The following HCFC1 variants were observed in gnomAD, a reference collection of about 807,000 sequenced individuals.
HCFC1 encodes host cell factor C1, also known as host cell factor 1.
In HCFC1, 7 loss-of-function variants were observed where a neutral mutation model predicts 105.5. The ratio of observed to expected loss-of-function variants is 0.07; its 90% CI spans 0.04 to 0.12. The LOEUF is 0.12. HCFC1 is among the 10% of genes least tolerant of loss of function. HCFC1 has a pLI of 1.00. For missense variants in HCFC1, 1,065 were observed against 1,823.6 expected (o/e 0.58, Z 7.58); for synonymous variants, 918 against 828.1 (o/e 1.11, Z -1.86).
chrX:153,954,986 G>C lies in HCFC1; in HGVS notation c.3413C>G (p.Ala1138Gly). The C allele has an allele frequency of 8.3e-7, 1 of 1,205,124 alleles. No individual in the cohort carries two copies. The highest frequency in any genetic ancestry group is 1.1e-6 in the Non-Finnish European group (1 of 892,892). ...CACGGCAGGGGTGCCAGCTGCACAG[G>C]CCCGACGGGCATCTCGCTGGTGGTT... is the stretch of plus-strand genomic sequence containing the variant. Reference protein sequence around the residue: ...GANHQRDARRACAAGTPAVIR... With the variant: ...GANHQRDARRGCAAGTPAVIR... The change falls in exon 17 of 26, where the codon GCC (alanine) becomes GGC (glycine). Residue 1138 changes from alanine (A) to glycine (G), a missense_variant. Coordinates refer to ENST00000310441, the MANE Select transcript of HCFC1 (RefSeq NM_005334.3).
At chrX:153,970,561 G>A in intron 1 of HCFC1, 87 bp downstream of exon 1, 1 of 614,228 alleles carries the variant, frequency 1.6e-6, no homozygotes, top group Non-Finnish European at 2.6e-6. Flanking sequence ...GAGGGAGGGA[G>A]CAGATGGAGG....
At chrX:153,968,377 G>T (rs1378794820) in intron 1 of HCFC1, among the ~76,000 whole-genome samples, 1 of 112,343 alleles carries the variant, frequency 8.9e-6, no homozygotes, top group Non-Finnish European at 1.9e-5. Context: ...GGGCACAGGC[G>T]TGAGAATATG....
intron 10 of HCFC1, 111 bp downstream of exon 10, chrX:153,958,458 C>G (rs1557115778): frequency 1.1e-4 from 82 of 780,541 alleles, no homozygotes; most frequent in Non-Finnish European, 2.6e-5. Flanking sequence ...CCATGACGCC[C>G]CTAATGGAGA....
In HCFC1 at chrX:153,951,645, G is replaced by C. The variant is rs1330621858; in HGVS notation, c.5323C>G (p.Leu1775Val). The C allele has an allele frequency of 1.7e-6, 2 of 1,209,818 alleles. No individual in the cohort carries two copies. The highest frequency in any genetic ancestry group is 3.5e-5 in the African/African-American group (2 of 57,456). The change falls in exon 21 of 26, where the codon CTG (leucine) becomes GTG (valine). Residue 1775 changes from leucine to valine, a missense_variant. Physicochemically the swap from Leu to Val is conservative, Grantham distance 32. This residue lies in a region of HCFC1 where 115 missense variants were observed against 143.7 expected (regional missense o/e 0.80). Coordinates refer to ENST00000310441, the MANE Select transcript of HCFC1 (RefSeq NM_005334.3). ...QPVVVASPAK[L>V]QAAATLTEVA... ...TCGGTCAGGGTAGCTGCAGCCTGCA[G>C]CTTGGCTGGGCTGGCCACCACAACC... is the stretch of plus-strand genomic sequence containing the variant.
At chrX:153,949,832 C>T (rs782789029) in intron 24 of HCFC1, among the ~76,000 whole-genome samples, 1 of 112,068 alleles carries the variant, frequency 8.9e-6, no homozygotes, top group South Asian at 3.7e-4. Flanking sequence ...AGGTTAGAAA[C>T]CCACTCAGCT....
intron 1 of HCFC1, chrX:153,969,233 C>A (rs1050694718): frequency 1.8e-5 from 2 of 111,321 alleles, no homozygotes; most frequent in Non-Finnish European, 1.9e-5. Context: ...AGCATCGAGG[C>A]ACTGGAGCTC....
Position 153,949,258 on chromosome X carries a change from G to A in HCFC1, c.*89C>T, listed in dbSNP as rs2065286265. ...CGGCTCGCGAGGGTGAAGTGCGAAT[G>A]CTGGGACGGGGTGGGAGGGGTGGGC... is the stretch of plus-strand genomic sequence containing the variant. On this transcript the variant is annotated 3_prime_UTR_variant, in exon 26 of 26. Coordinates refer to ENST00000310441, the MANE Select transcript of HCFC1 (RefSeq NM_005334.3). 1 of 698,798 alleles carries A rather than the reference G, an allele frequency of 1.4e-6. No homozygotes were observed. Among genetic ancestry groups the A allele is most frequent in the Non-Finnish European group, 2.2e-6 (1 of 450,198 alleles). 57.6% of individuals were successfully genotyped at this position (698,798 alleles called of 1,213,427 possible). A position where few individuals can be genotyped will look rare whatever the true frequency, so the allele number is the denominator to read the frequency against.
At chrX:153,951,767 C>A in intron 20 of HCFC1, 60 bp from the exon 21 acceptor site, 1 of 1,173,135 alleles carries the variant, frequency 8.5e-7, no homozygotes, top group Non-Finnish European at 1.1e-6. Flanking sequence ...CAAGTGAGAC[C>A]GAGCCTCCCG....
chrX:153,958,328 A>AT (rs1250388361), intron 10 of HCFC1, 79 bp from the exon 11 acceptor site: 2 of 822,456 alleles, frequency 2.4e-6, no homozygotes, highest in African/African-American at 4.0e-5. Context: ...CGGTGGGCCC[A>AT]TAGCTCCTGC....
intron 1 of HCFC1, among the ~76,000 whole-genome samples, chrX:153,966,549 C>T (rs1191709630): frequency 8.9e-6 from 1 of 112,814 alleles, no homozygotes; most frequent in Admixed American, 9.3e-5. Context: ...GCCTTGCGCA[C>T]TGGAGAGCCG....
At position 153,952,051 on chromosome X, in the gene HCFC1, T is replaced by C; in HGVS notation, c.5050A>G (p.Ile1684Val). The stretch of plus-strand genomic sequence containing the variant: ...GCCAGCTCCTGCTGTGTCAGCACAA[T>C]GGGTATGGTGGTGGCCTGGCCCTCC... ...GQEGQATTIP[I>V]VLTQQELAAL... Residue 1684 changes from isoleucine to valine, a missense_variant, in exon 20 of 26, where the codon ATT (isoleucine) becomes GTT (valine). Physicochemically the swap from Ile to Val is conservative, Grantham distance 29 (BLOSUM62 3). Around this residue, in one of 17 missense-constraint regions of HCFC1, gnomAD observed 115 missense variants for 143.7 expected, o/e 0.80. Coordinates refer to ENST00000310441, the MANE Select transcript of HCFC1 (RefSeq NM_005334.3). 2 of 1,187,908 alleles carry C rather than the reference T, an allele frequency of 1.7e-6. No individual in the cohort carries two copies. The highest frequency in any genetic ancestry group is 2.3e-6 in the Non-Finnish European group (2 of 884,229).
rs1248063879 is a variant in HCFC1, at chrX:153,958,495, A to G, written c.1803+74T>C. The G allele has an allele frequency of 5.0e-6, 5 of 991,319 alleles. No homozygotes were observed. The African/African-American group carries it at 7.7e-5, about 15-fold the overall frequency. 81.7% of individuals were successfully genotyped at this position (991,319 alleles called of 1,213,427 possible). A position where few individuals can be genotyped will look rare whatever the true frequency, so the allele number is the denominator to read the frequency against. On this transcript the variant is annotated intron_variant, in intron 10 of 25. Transcript: ENST00000310441. ...AGCTTATTCTGCAGCCCACGGTCCAACGGCTAACTCTAAAGCCCGGAGGGA... is the reference window on the plus strand; with the variant it reads ...AGCTTATTCTGCAGCCCACGGTCCAGCGGCTAACTCTAAAGCCCGGAGGGA...
Position 153,958,164 on chromosome X carries a change from C to T in HCFC1, c.1889G>A (p.Arg630His). ...SVSSATNTST[R>H]PIITVHKSGT... The stretch of plus-strand genomic sequence containing the variant: ...TGACTTGTGCACTGTGATGATAGGG[C>T]GGGTAGACGTGTTGGTGGCGGAGGA... The change falls in exon 11 of 26, where the codon CGC becomes CAC. Residue 630 changes from arginine to histidine, a missense_variant. By Grantham distance (29) the Arg-to-His change is conservative (BLOSUM62 0). Coordinates refer to ENST00000310441, the MANE Select transcript of HCFC1 (RefSeq NM_005334.3). 1.7e-6 allele frequency: 2 copies of T among 1,211,627 alleles called. No individual in the cohort carries two copies. The highest frequency in any genetic ancestry group is 2.2e-6 in the Non-Finnish European group (2 of 895,101).
At position 153,970,670 on chromosome X, in the gene HCFC1, G is replaced by C; in HGVS notation, c.171C>G (p.Asp57Glu). The change falls in exon 1 of 26, where the codon GAC (aspartate) becomes GAG (glutamate). Residue 57 changes from aspartate to glutamate, a missense_variant. By Grantham distance (45) the Asp-to-Glu change is conservative (BLOSUM62 2). This residue lies in a region of HCFC1 where 38 missense variants were observed against 190.1 expected (regional missense o/e 0.20). Transcript: ENST00000310441. ...VFGGGNEGIV[D>E]ELHVYNTATN... ...CACCCGTGTTGTACACGTGCAGTTC[G>C]TCCACTATTCCCTCGTTGCCGCCGC... 8.3e-7 allele frequency: 1 copy of C among 1,208,660 alleles called. No individual in the cohort carries two copies.
In HCFC1 at chrX:153,956,948, G is replaced by C. The variant is rs782579427; in HGVS notation, c.2466C>G (p.Ala822=). ...AKIITAVPKI[A]TGHGQQGVTQ... is the part of the protein sequence containing the mutation. ...TCACTCCCTGCTGCCCGTGGCCAGTGGCAATTTTGGGGACAGCAGTGATGA... is the reference window on the plus strand; with the variant it reads ...TCACTCCCTGCTGCCCGTGGCCAGTCGCAATTTTGGGGACAGCAGTGATGA... The change falls in exon 14 of 26, where the codon GCC becomes GCG. Residue 822 remains alanine, a synonymous_variant. Transcript: ENST00000310441. 5.8e-6 allele frequency: 7 copies of C among 1,210,683 alleles called. No individual in the cohort carries two copies. In the Admixed American group the frequency reaches 1.5e-4, roughly 26 times the overall value.
At chrX:153,957,679 C>A (rs58279890) in intron 12 of HCFC1, 103 bp downstream of exon 12, 1 of 755,960 alleles carries the variant, frequency 1.3e-6, no homozygotes, top group Non-Finnish European at 2.0e-6. Flanking sequence ...CTTGCTGAGC[C>A]ATGTGTGCTC....
chrX:153,964,812 T>A, intron 1 of HCFC1, 86 bp from the exon 2 acceptor site: 1 of 965,712 alleles, frequency 1.0e-6, no homozygotes, highest in South Asian at 2.9e-5. Flanking sequence ...TCAAGCTTGG[T>A]GAGAGGGGCT....
In HCFC1 at chrX:153,949,594, G is replaced by A. The variant is rs1557111903; in HGVS notation, c.6027C>T (p.Gly2009=). The A allele has an allele frequency of 6.6e-6, 8 of 1,209,157 alleles. No individual in the cohort carries two copies. The highest frequency in any genetic ancestry group is 1.7e-5 in the African/African-American group (1 of 57,231). ...TGGGCCGCTTGTTGGCTGGCTTGGT[G>A]CCAGAGCTGTCTTTACTGGTTTCTG... ...WLQETSKDSS[G]TKPANKRPMS... The change falls in exon 25 of 26, where the codon GGC becomes GGT. Residue 2009 remains glycine, a synonymous_variant. Transcript: ENST00000310441.
intron 18 of HCFC1, among the ~76,000 whole-genome samples, 189 bp downstream of exon 18, chrX:153,953,418 G>A (rs1296678745): frequency 8.9e-6 from 1 of 112,487 alleles, no homozygotes; most frequent in East Asian, 2.8e-4. Context: ...AAGCGCCCCA[G>A]AGATGCGGGG....
Sources: allele counts gnomAD v4.1 joint callset (sites outside exome capture counted in the v4.1 genomes callset), GRCh38; gene constraint gnomAD v4.1.1; regional missense constraint gnomAD v4.1.1; transcripts MANE v1.5; gene names NCBI Gene and HGNC (gene_info 2026-07-23, HGNC 2026-07-21).